Variants in NKD1 observed in about 807,000 individuals in gnomAD.
NKD1 encodes NKD inhibitor of Wnt signaling pathway 1, also known as protein naked cuticle homolog 1.
A neutral mutation model predicts 56.0 loss-of-function variants in NKD1; 21 were observed. The observed-to-expected ratio is 0.38, with a 90% CI of 0.27 to 0.54. The LOEUF is 0.54. Among genes scored for constraint, NKD1 ranks in the 20% least tolerant of loss-of-function variants. The probability of loss-of-function intolerance (pLI) is 0.82; values close to 1 mark genes in which losing one functional copy is unlikely to be tolerated. For synonymous variants in NKD1, 263 were observed against 265.7 expected, an observed-to-expected ratio of 0.99 and a Z score of 0.10; for missense variants, 578 against 642.7, an observed-to-expected ratio of 0.90 and a Z score of 1.09.
At chr16:50,579,418 G>A (rs112867768) in intron 3 of NKD1, among the ~76,000 whole-genome samples, 1 of 140,810 alleles carries the variant, frequency 7.1e-6, no homozygotes, top group South Asian at 2.3e-4. Flanking sequence ...TTAGTCCTGC[G>A]GGCTACCCGC....
intron 3 of NKD1, among the ~76,000 whole-genome samples, chr16:50,584,357 C>T (rs1310781962): frequency 1.3e-5 from 2 of 152,212 alleles, no homozygotes; most frequent in Non-Finnish European, 2.9e-5. Context: ...AGCCCAGTCT[C>T]AGTGTGGGAG....
rs1555489611 is a variant in NKD1 at position 50,598,263 on chromosome 16, G to GTGTGTGTGTGCA, written c.193-10031_193-10030insTGTGTGTGTGCA. ...TGTGTGTGTGTGTGTGTGTGTGTGT[G>GTGTGTGTGTGCA]CGCGCACACCTGTGCTCATGGACAC... On this transcript the variant is annotated intron_variant, in intron 3 of 9. Coordinates refer to ENST00000268459, the MANE Select transcript of NKD1 (RefSeq NM_033119.5). The surrounding 1 kb of genome is among the most constrained non-coding windows in gnomAD (Gnocchi z 4.2). 8.0e-6 allele frequency among the ~76,000 whole-genome samples: 1 copy of GTGTGTGTGTGCA among 124,718 alleles called. No individual in the cohort carries two copies. The highest frequency in any genetic ancestry group is 3.9e-5 in the African/African-American group (1 of 25,510). 81.8% of individuals were successfully genotyped at this position (124,718 alleles called of 152,430 possible). A position where few individuals can be genotyped will look rare whatever the true frequency, so the allele number is the denominator to read the frequency against.
intron 3 of NKD1, chr16:50,562,316 G>C: frequency 1.0e-6 from 1 of 969,476 alleles, no homozygotes; most frequent in Non-Finnish European, 1.2e-6. Flanking sequence ...CTGTGTATCT[G>C]CAGGTGCATA....
rs1962149052 is a variant in NKD1 at position 50,623,831 on chromosome 16, G to A, written c.367-1654G>A. The stretch of plus-strand genomic sequence containing the variant: ...ACCTGTGTAGGTATGCGTGTGTGTA[G>A]GTACGTGTGTAGGGGTATGCGTGTG... On this transcript the variant is annotated intron_variant, in intron 5 of 9. Coordinates refer to ENST00000268459, the MANE Select transcript of NKD1 (RefSeq NM_033119.5). The surrounding 1 kb of genome is among the most constrained non-coding windows in gnomAD (Gnocchi z 4.1). Among the ~76,000 whole-genome samples the A allele has an allele frequency of 6.6e-6, 1 of 150,668 alleles. No individual in the cohort carries two copies. Among genetic ancestry groups the A allele is most frequent in the Non-Finnish European group, 1.5e-5 (1 of 67,666 alleles).
At chr16:50,611,942 A>G (rs1273416044) in intron 4 of NKD1, among the ~76,000 whole-genome samples, 1 of 152,106 alleles carries the variant, frequency 6.6e-6, no homozygotes, top group East Asian at 1.9e-4. Flanking sequence ...TCCTGGGTTC[A>G]GTTTTCTTGA....
intron 3 of NKD1, among the ~76,000 whole-genome samples, chr16:50,594,818 C>CG (rs1222532642): frequency 1.3e-5 from 2 of 151,068 alleles, no homozygotes; most frequent in African/African-American, 2.4e-5. Context: ...CACACAGACC[C>CG]GGGGGGATCT....
chr16:50,611,909 C>T (rs1179175563), intron 4 of NKD1, among the ~76,000 whole-genome samples: 1 of 152,166 alleles, frequency 6.6e-6, no homozygotes, highest in Non-Finnish European at 1.5e-5. Context: ...GCCCAGCACA[C>T]TTGAGCTGCC....
At position 50,572,071 on chromosome 16, in the gene NKD1, A is replaced by C. The variant is rs552964563; in HGVS notation, c.192+22516A>C. On this transcript the variant is annotated intron_variant, in intron 3 of 9. Coordinates refer to ENST00000268459, the MANE Select transcript of NKD1 (RefSeq NM_033119.5). ...CCCAGTACTCTCCCTTGTTCTCCCC[A>C]GCTCACCCTCCAGGATGGAGCTCTC... Among the ~76,000 whole-genome samples, 5 of 152,160 alleles carry C rather than the reference A, an allele frequency of 3.3e-5. No homozygotes were observed. The South Asian group carries it at 1.0e-3, about 32-fold the overall frequency.
chr16:50,563,597 A>G (rs1231668145), intron 3 of NKD1, among the ~76,000 whole-genome samples: 1 of 150,320 alleles, frequency 6.7e-6, no homozygotes, highest in Non-Finnish European at 1.5e-5. Context: ...CTCAGTGGGC[A>G]CAGCCCTGGA....
At chr16:50,573,095 G>C (rs192825931) in intron 3 of NKD1, among the ~76,000 whole-genome samples, 1 of 152,240 alleles carries the variant, frequency 6.6e-6, no homozygotes, top group South Asian at 2.1e-4. Flanking sequence ...CAGTAAAACT[G>C]TGTGGCCTGG....
Position 50,549,326 on chromosome 16 carries a change from T to C in NKD1, c.59-96T>C, listed in dbSNP as rs915428103. On this transcript the variant is annotated intron_variant, in intron 2 of 9. Coordinates refer to ENST00000268459, the MANE Select transcript of NKD1 (RefSeq NM_033119.5). Reference sequence around the variant, plus strand: ...CCCCCTCCTGGCCCCCGTGCCGTGGTCCTTCGCCTCCCACCGCGCCTCCTT... The same window carrying C: ...CCCCCTCCTGGCCCCCGTGCCGTGGCCCTTCGCCTCCCACCGCGCCTCCTT... The C allele has an allele frequency of 3.9e-5, 57 of 1,476,498 alleles. No homozygotes were observed. The African/African-American group carries it at 5.7e-4, about 15-fold the overall frequency. The allele number at this position is 1,476,498 out of a possible 1,614,324, so 91.5% of individuals were successfully genotyped here. A position where few individuals can be genotyped will look rare whatever the true frequency, so the allele number is the denominator to read the frequency against.
intron 3 of NKD1, among the ~76,000 whole-genome samples, chr16:50,583,271 T>C (rs1421759055): frequency 6.6e-6 from 1 of 152,184 alleles, no homozygotes; most frequent in African/African-American, 2.4e-5. Context: ...AGCCCCAAGC[T>C]GCCCTATGAG....
At chr16:50,603,679 A>G (rs1348251727) in intron 3 of NKD1, among the ~76,000 whole-genome samples, 2 of 152,238 alleles carry the variant, frequency 1.3e-5, no homozygotes, top group Non-Finnish European at 2.9e-5. Flanking sequence ...GGAAGTCTCA[A>G]AGACAGAGGA....
chr16:50,582,227 T>A (rs1015410681), intron 3 of NKD1, among the ~76,000 whole-genome samples: 1 of 152,178 alleles, frequency 6.6e-6, no homozygotes, highest in Admixed American at 6.5e-5. Context: ...TAATTATGCC[T>A]TGAACGTGGT....
Position 50,593,427 on chromosome 16 carries a change from A to G in NKD1, c.193-14867A>G, listed in dbSNP as rs146243514. On this transcript the variant is annotated intron_variant, in intron 3 of 9. Transcript: ENST00000268459. ...GTTTTCCTGGGTATTAGCTTTTTTC[A>G]TAGCTAGAATTTCTCTGTGAGGTGG... 1.6e-3 allele frequency among the ~76,000 whole-genome samples: 240 copies of G among 152,196 alleles called. 1 individual carries two copies. Among genetic ancestry groups the G allele is most frequent in the Middle Eastern group, 0.01 (3 of 294 alleles).
rs762247776 is a variant in NKD1 at position 50,633,149 on chromosome 16, A to G, written c.824-43A>G. 3.2e-6 allele frequency: 5 copies of G among 1,547,410 alleles called. No homozygotes were observed. In the Admixed American group the frequency reaches 7.3e-5, roughly 23 times the overall value. On this transcript the variant is annotated intron_variant, in intron 9 of 9. Coordinates refer to ENST00000268459, the MANE Select transcript of NKD1 (RefSeq NM_033119.5). The surrounding 1 kb of genome is among the most constrained non-coding windows in gnomAD (Gnocchi z 4.9). ...TCTGGGGTATAGCGCAAGCCCCAGC[A>G]CACAGTAGGTGCTCATTAAATGTCT...
chr16:50,633,818 AC>A lies in NKD1; in HGVS notation c.*41del. Reference sequence around the variant, plus strand: ...AGGGCCCCACCCTGCCATATGAAGGACCCCACCCCCGACACCACAAGGCATT... The same window carrying A: ...AGGGCCCCACCCTGCCATATGAAGGACCCACCCCCGACACCACAAGGCATT... On this transcript the variant is annotated 3_prime_UTR_variant, in exon 10 of 10. Coordinates refer to ENST00000268459, the MANE Select transcript of NKD1 (RefSeq NM_033119.5). This position sits in a 1 kb window ranked among gnomAD's most constrained non-coding sequence, Gnocchi z 4.9. 9.4e-7 allele frequency: 1 copy of A among 1,065,020 alleles called. No homozygotes were observed. The highest frequency in any genetic ancestry group is 1.3e-6 in the Non-Finnish European group (1 of 757,490). The allele number at this position is 1,065,020 out of a possible 1,614,324, so 66.0% of individuals were successfully genotyped here. A position where few individuals can be genotyped will look rare whatever the true frequency, so the allele number is the denominator to read the frequency against.
At chr16:50,606,936 G>C (rs1357332237) in intron 3 of NKD1, 1 of 456,724 alleles carries the variant, frequency 2.2e-6, no homozygotes, top group Non-Finnish European at 4.4e-6. Flanking sequence ...TCCCTTTCCT[G>C]TCATCGTCTC....
At chr16:50,591,881 A>G (rs1961374772) in intron 3 of NKD1, among the ~76,000 whole-genome samples, 2 of 152,228 alleles carry the variant, frequency 1.3e-5, no homozygotes, top group African/African-American at 2.4e-5. Flanking sequence ...TGGCTGAACC[A>G]AGAAATAGGT....
Sources: allele counts gnomAD v4.1 joint callset (sites outside exome capture counted in the v4.1 genomes callset), GRCh38; gene constraint gnomAD v4.1.1; non-coding constraint Gnocchi (gnomAD v3.1); transcripts MANE v1.5; gene names NCBI Gene and HGNC (gene_info 2026-07-23, HGNC 2026-07-21).